Variants in SAMD12 observed in about 807,000 individuals in gnomAD.
The protein encoded by SAMD12 is sterile alpha motif domain containing 12.
SAMD12 carries 9 observed loss-of-function variants against 15.0 expected under a neutral mutation model. The ratio of observed to expected loss-of-function variants is 0.60; its 90% confidence interval spans 0.36 to 1.05. The LOEUF (loss-of-function observed/expected upper bound fraction) is 1.05. Among genes scored for constraint, SAMD12 ranks in the 50% least tolerant of loss-of-function variants. The pLI, the probability that SAMD12 is intolerant of heterozygous loss-of-function variation, is 0.01. For missense variants in SAMD12, 230 were observed against 234.2 expected (o/e 0.98, Z 0.12); for synonymous variants, 86 against 90.1 (o/e 0.96, Z 0.25).
chr8:118,498,381 A>G (rs1261759986), intron 2 of SAMD12, among the ~76,000 whole-genome samples: 1 of 152,254 alleles, frequency 6.6e-6, no homozygotes, highest in Non-Finnish European at 1.5e-5. Context: ...ATACACGAAT[A>G]TATTTTATTT....
the SAMD12 span, among the ~76,000 whole-genome samples, chr8:118,175,034 C>CAAAAAAAAA: frequency 1.1e-4 from 9 of 78,764 alleles, no homozygotes; most frequent in East Asian, 3.9e-4. Context: ...CAAAAAAAAA[C>CAAAAAAAAA]AAAAAAAAAA....
At chr8:118,445,886 C>A (rs1243101080) in intron 2 of SAMD12, among the ~76,000 whole-genome samples, 1 of 152,116 alleles carries the variant, frequency 6.6e-6, no homozygotes, top group South Asian at 2.1e-4. Flanking sequence ...CACAGGGGAT[C>A]TATTTTAGAC....
chr8:118,616,669 G>A (rs902754509), intron 1 of SAMD12, among the ~76,000 whole-genome samples: 1 of 152,174 alleles, frequency 6.6e-6, no homozygotes, highest in Non-Finnish European at 1.5e-5. Context: ...CCTGCCTGCT[G>A]CAGGAGCCCA....
intron 2 of SAMD12, among the ~76,000 whole-genome samples, chr8:118,541,574 T>C (rs925970573): frequency 8.5e-5 from 13 of 152,240 alleles, no homozygotes; most frequent in Non-Finnish European, 1.3e-4. Context: ...TGTGTGGCTA[T>C]ATTCCAATAA....
downstream of SAMD12, among the ~76,000 whole-genome samples, chr8:118,188,038 A>G (rs1166132557): frequency 7.5e-6 from 1 of 132,954 alleles, no homozygotes; most frequent in Non-Finnish European, 1.6e-5. Context: ...ATGGGTTGGA[A>G]GAGAGAGAGA....
At chr8:118,390,298 G>A (rs891200270) in intron 3 of SAMD12, among the ~76,000 whole-genome samples, 19 of 152,244 alleles carry the variant, frequency 1.2e-4, no homozygotes, top group Admixed American at 2.6e-4. Flanking sequence ...GTGAGCCACT[G>A]CACCCGGCCC....
the SAMD12 span, among the ~76,000 whole-genome samples, chr8:118,172,982 T>G: frequency 6.6e-6 from 1 of 152,220 alleles, no homozygotes; most frequent in Non-Finnish European, 1.5e-5. Flanking sequence ...CTCGTGCTGG[T>G]GGAATCATGC....
At chr8:118,237,174 C>T (rs1812455502) in intron 4 of SAMD12, among the ~76,000 whole-genome samples, 3 of 152,090 alleles carry the variant, frequency 2.0e-5, no homozygotes, top group African/African-American at 7.2e-5. Context: ...TGACATTGTC[C>T]ATGATTACAT....
intron 2 of SAMD12, among the ~76,000 whole-genome samples, chr8:118,520,683 G>A (rs1314943190): frequency 6.6e-6 from 1 of 152,126 alleles, no homozygotes; most frequent in East Asian, 1.9e-4. Context: ...TTTCTCTTCT[G>A]GGAGACTCAT....
At chr8:118,520,194 C>G (rs1209355741) in intron 2 of SAMD12, among the ~76,000 whole-genome samples, 2 of 152,136 alleles carry the variant, frequency 1.3e-5, no homozygotes, top group African/African-American at 2.4e-5. Context: ...AAACCATACT[C>G]TGAAGTACAG....
chr8:118,432,550 C>A (rs911220363), intron 3 of SAMD12, among the ~76,000 whole-genome samples: 3 of 152,196 alleles, frequency 2.0e-5, no homozygotes, highest in Admixed American at 6.5e-5. Context: ...CAAACTTCAA[C>A]ATACACTTTC....
chr8:118,159,814 G>T, the SAMD12 span, among the ~76,000 whole-genome samples: 1 of 151,284 alleles, frequency 6.6e-6, no homozygotes. Context: ...CTCCCCTCTG[G>T]GTTCAAGCGA....
intron 2 of SAMD12, among the ~76,000 whole-genome samples, chr8:118,459,077 T>C (rs1216747261): frequency 6.6e-6 from 1 of 152,078 alleles, no homozygotes; most frequent in Non-Finnish European, 1.5e-5. Context: ...CAATTGTTTT[T>C]TTTTTGGAGA....
At chr8:118,249,882 C>CA (rs1263798339) in intron 4 of SAMD12, among the ~76,000 whole-genome samples, 1 of 152,082 alleles carries the variant, frequency 6.6e-6, no homozygotes, top group African/African-American at 2.4e-5. Context: ...CTGGAGAAGG[C>CA]ATTAAGTAAG....
intron 4 of SAMD12, among the ~76,000 whole-genome samples, chr8:118,355,910 T>C (rs1018607710): frequency 6.6e-6 from 1 of 152,240 alleles, no homozygotes; most frequent in South Asian, 2.1e-4. Flanking sequence ...TTAATGGAAG[T>C]GATACAGCTG....
At chr8:118,606,993 C>T (rs189923070) in intron 1 of SAMD12, among the ~76,000 whole-genome samples, 2 of 152,262 alleles carry the variant, frequency 1.3e-5, no homozygotes, top group Non-Finnish European at 2.9e-5. Context: ...TGCACCCAAC[C>T]CCTACTCCAT....
chr8:118,608,937 C>T (rs1828043493), intron 1 of SAMD12, among the ~76,000 whole-genome samples: 1 of 152,080 alleles, frequency 6.6e-6, no homozygotes. Context: ...ATATTATGAA[C>T]CCAATTTTAC....
At chr8:118,205,087 T>C (rs1191389530) in intron 4 of SAMD12, among the ~76,000 whole-genome samples, 4 of 152,168 alleles carry the variant, frequency 2.6e-5, no homozygotes, top group Non-Finnish European at 5.9e-5. Flanking sequence ...ATTCAATCCA[T>C]CGAAGGCCTA....
In SAMD12 at chr8:118,203,252, A is replaced by G. The variant is rs535966397; in HGVS notation, c.434-5520T>C. 4.6e-5 allele frequency among the ~76,000 whole-genome samples: 7 copies of G among 152,356 alleles called. No individual in the cohort carries two copies. The East Asian group carries it at 1.3e-3, about 29-fold the overall frequency. ...GTGCCATAAATAAGAGGTTTGACCTAGAGAAAGGCAGCACATTTTTATTTT... is the reference window on the plus strand; with the variant it reads ...GTGCCATAAATAAGAGGTTTGACCTGGAGAAAGGCAGCACATTTTTATTTT... On this transcript the variant is annotated intron_variant, in intron 4 of 4. Coordinates refer to the SAMD12 transcript ENST00000409003.
Sources: allele counts gnomAD v4.1 joint callset (sites outside exome capture counted in the v4.1 genomes callset), GRCh38; gene constraint gnomAD v4.1.1; transcripts MANE v1.5; gene names NCBI Gene and HGNC (gene_info 2026-07-23, HGNC 2026-07-21).